Variants in GAS7 observed in about 807,000 individuals in gnomAD.
The protein encoded by GAS7 is growth arrest-specific protein 7.
In GAS7, 28 loss-of-function variants were observed where a neutral mutation model predicts 71.1. That is an observed-to-expected ratio of 0.39 (90% confidence interval 0.29 to 0.54). The LOEUF (loss-of-function observed/expected upper bound fraction) is 0.54. Among genes scored for constraint, GAS7 ranks in the 20% least tolerant of loss-of-function variants. The pLI is 0.62. For missense variants in GAS7, 436 were observed against 627.8 expected (o/e 0.69, Z 3.27); for synonymous variants, 258 against 245.8 (o/e 1.05, Z -0.46).
chr17:10,162,965 A>G (rs1378943126), intron 1 of GAS7, among the ~76,000 whole-genome samples: 1 of 152,190 alleles, frequency 6.6e-6, no homozygotes, highest in Non-Finnish European at 1.5e-5. Context: ...ATACTGAACT[A>G]TAGACTTCCA....
At chr17:10,066,644 C>T (rs2073284359) in intron 1 of GAS7, among the ~76,000 whole-genome samples, 1 of 152,128 alleles carries the variant, frequency 6.6e-6, no homozygotes. Flanking sequence ...CCTACAAGGT[C>T]AATTTTTTTA....
At chr17:9,989,035 G>C (rs2070745452) in intron 2 of GAS7, among the ~76,000 whole-genome samples, 1 of 151,994 alleles carries the variant, frequency 6.6e-6, no homozygotes, top group Non-Finnish European at 1.5e-5. Flanking sequence ...ATTTTTAGTA[G>C]AGACAGGGTT....
intron 1 of GAS7, among the ~76,000 whole-genome samples, chr17:10,151,602 T>C (rs2074167035): frequency 6.6e-6 from 1 of 152,192 alleles, no homozygotes; most frequent in Non-Finnish European, 1.5e-5. Context: ...TGGAGTGCAA[T>C]GGCATGATCA....
rs185763628 is a variant in GAS7 at position 9,912,095 on chromosome 17, C to T, written c.*5133G>A. The T allele has an allele frequency of 6.5e-5, 15 of 231,720 alleles. No individual in the cohort carries two copies. The highest frequency in any genetic ancestry group is 4.5e-4 in the Admixed American group (8 of 17,746). 14.4% of individuals were successfully genotyped at this position (231,720 alleles called of 1,614,324 possible). A position where few individuals can be genotyped will look rare whatever the true frequency, so the allele number is the denominator to read the frequency against. On this transcript the variant is annotated 3_prime_UTR_variant, in exon 14 of 14. Transcript: ENST00000432992. ...TCCAGAACATACTATCAAAGATCGA[C>T]GAATGAGATCCAAACGGTCATTACT...
intron 2 of GAS7, among the ~76,000 whole-genome samples, chr17:10,019,003 C>T (rs2072153830): frequency 6.6e-6 from 1 of 152,122 alleles, no homozygotes; most frequent in Non-Finnish European, 1.5e-5. Flanking sequence ...GCTGGTTTAC[C>T]CTGTCCTGCC....
chr17:10,164,729 A>G (rs547331097), intron 1 of GAS7, among the ~76,000 whole-genome samples: 1 of 151,924 alleles, frequency 6.6e-6, no homozygotes, highest in African/African-American at 2.4e-5. Flanking sequence ...ATAATGGCTC[A>G]CACCTATAAT....
intron 1 of GAS7, among the ~76,000 whole-genome samples, chr17:10,189,000 T>C (rs575723559): frequency 6.6e-5 from 10 of 152,362 alleles, no homozygotes; most frequent in Middle Eastern, 3.4e-3. Flanking sequence ...CTTATACTGA[T>C]ATGTTCCTCT....
chr17:10,152,436 T>C (rs2074173590), intron 1 of GAS7, among the ~76,000 whole-genome samples: 1 of 152,164 alleles, frequency 6.6e-6, no homozygotes, highest in African/African-American at 2.4e-5. Flanking sequence ...CACTTCCCAG[T>C]GAAGAATTGA....
intron 1 of GAS7, among the ~76,000 whole-genome samples, chr17:10,193,105 T>C (rs1382843748): frequency 2.6e-5 from 4 of 152,134 alleles, no homozygotes; most frequent in Admixed American, 1.3e-4. Context: ...AGATCCACTA[T>C]GTCTATGAAT....
intron 7 of GAS7, among the ~76,000 whole-genome samples, chr17:9,942,442 A>C (rs2068636604): frequency 6.6e-6 from 1 of 152,018 alleles, no homozygotes; most frequent in Non-Finnish European, 1.5e-5. Context: ...GAGGAAGGAG[A>C]TAGAGAAGGA....
Position 10,031,652 on chromosome 17 carries a change from G to A in GAS7, c.184-11755C>T, listed in dbSNP as rs191353087. Among the ~76,000 whole-genome samples the A allele has an allele frequency of 9.7e-4, 147 of 152,278 alleles. 1 individual carries two copies. The highest frequency in any genetic ancestry group is 3.4e-3 in the African/African-American group (142 of 41,556). ...TCTGGAGAATGAGATTTTTATGGTC[G>A]TTGCACCTGCTGTACGAATGTAAGA... is the stretch of plus-strand genomic sequence containing the variant. On this transcript the variant is annotated intron_variant, in intron 1 of 13. Transcript: ENST00000432992.
At chr17:10,092,361 G>A (rs1037064807) in intron 1 of GAS7, among the ~76,000 whole-genome samples, 1 of 152,170 alleles carries the variant, frequency 6.6e-6, no homozygotes, top group Non-Finnish European at 1.5e-5. Context: ...GGCTTTTAGT[G>A]GTCTGCTTTC....
chr17:10,014,875 C>A (rs1420461219), intron 2 of GAS7, among the ~76,000 whole-genome samples: 1 of 152,068 alleles, frequency 6.6e-6, no homozygotes, highest in Non-Finnish European at 1.5e-5. Context: ...GATTAGCCAG[C>A]CAGGTGCGGT....
intron 1 of GAS7, among the ~76,000 whole-genome samples, chr17:10,043,292 T>G (rs1486746698): frequency 6.6e-6 from 1 of 152,144 alleles, no homozygotes; most frequent in African/African-American, 2.4e-5. Context: ...ACCAGACTAG[T>G]GCTCAACACT....
intron 1 of GAS7, among the ~76,000 whole-genome samples, chr17:10,170,163 T>TC (rs1210670519): frequency 2.0e-5 from 3 of 150,548 alleles, no homozygotes; most frequent in African/African-American, 7.3e-5. Context: ...CCCCCCTCCA[T>TC]CCCCCCATCA....
intron 1 of GAS7, among the ~76,000 whole-genome samples, chr17:10,154,404 C>A (rs1465871246): frequency 1.3e-5 from 2 of 151,504 alleles, no homozygotes; most frequent in African/African-American, 4.9e-5. Context: ...CTCAGGAGGC[C>A]AAGGTGGGAG....
Position 9,911,150 on chromosome 17 carries a change from A to G in GAS7, c.*6078T>C, listed in dbSNP as rs2067425865. Reference sequence around the variant, plus strand: ...TTTGAATGTCTGTCCCTGGGTCCACACAGCTGCCTGGAACCCACGACTCCC... The same window carrying G: ...TTTGAATGTCTGTCCCTGGGTCCACGCAGCTGCCTGGAACCCACGACTCCC... On this transcript the variant is annotated 3_prime_UTR_variant, in exon 14 of 14. Transcript: ENST00000432992. This position sits in a 1 kb window ranked among gnomAD's most constrained non-coding sequence, Gnocchi z 4.0. 1 of 233,064 alleles carries G rather than the reference A, an allele frequency of 4.3e-6. No homozygotes were observed. Among genetic ancestry groups the G allele is most frequent in the Admixed American group, 5.6e-5 (1 of 17,762 alleles). The allele number at this position is 233,064 out of a possible 1,614,324, so 14.4% of individuals were successfully genotyped here. A position where few individuals can be genotyped will look rare whatever the true frequency, so the allele number is the denominator to read the frequency against.
chr17:10,057,030 G>A (rs1008791848), intron 1 of GAS7, among the ~76,000 whole-genome samples: 4 of 152,094 alleles, frequency 2.6e-5, no homozygotes, highest in African/African-American at 7.2e-5. Context: ...TCCTAACCGC[G>A]AGTGATCTGC....
chr17:10,032,812 C>A (rs927467279), intron 1 of GAS7, among the ~76,000 whole-genome samples: 1 of 152,172 alleles, frequency 6.6e-6, no homozygotes, highest in African/African-American at 2.4e-5. Context: ...GGTCTAGATA[C>A]CCTTTCATTT....
Sources: allele counts gnomAD v4.1 joint callset (sites outside exome capture counted in the v4.1 genomes callset), GRCh38; gene constraint gnomAD v4.1.1; non-coding constraint Gnocchi (gnomAD v3.1); transcripts MANE v1.5; gene names NCBI Gene and HGNC (gene_info 2026-07-23, HGNC 2026-07-21).